The following NAV2 variants were observed in gnomAD, a reference collection of about 807,000 sequenced individuals.
The protein encoded by NAV2 is helicase, APC down-regulated 1.
NAV2 carries 54 observed loss-of-function variants against 223.2 expected under a neutral mutation model. The observed-to-expected ratio is 0.24, with a 90% CI of 0.19 to 0.30. The LOEUF (loss-of-function observed/expected upper bound fraction) is 0.30, where lower values mean the gene tolerates loss of function less well. Among genes scored for constraint, NAV2 ranks in the 10% least tolerant of loss-of-function variants. The pLI is 1.00. For missense variants in NAV2, 2,806 were observed against 3,147.5 expected (o/e 0.89, Z 2.60); for synonymous variants, 1,279 against 1,239.3 (o/e 1.03, Z -0.67).
At chr11:19,784,941 C>A (rs900880024) in intron 1 of NAV2, among the ~76,000 whole-genome samples, 2 of 151,996 alleles carry the variant, frequency 1.3e-5, no homozygotes, top group Non-Finnish European at 2.9e-5. Flanking sequence ...TATCTCTGTG[C>A]CTGGGAAGGG....
chr11:20,031,034 C>T (rs963519183), intron 11 of NAV2, among the ~76,000 whole-genome samples: 8 of 152,148 alleles, frequency 5.3e-5, no homozygotes, highest in African/African-American at 1.4e-4. Context: ...TAAGGGTAGT[C>T]GGTTTATCAT....
chr11:19,617,502 C>T (rs1283638563), intron 1 of NAV2, among the ~76,000 whole-genome samples: 1 of 152,200 alleles, frequency 6.6e-6, no homozygotes, highest in Non-Finnish European at 1.5e-5. Flanking sequence ...AGACACAGGC[C>T]TGCCTTCAAG....
At chr11:19,404,674 C>A (rs1288791171) in intron 1 of NAV2, among the ~76,000 whole-genome samples, 4 of 152,050 alleles carry the variant, frequency 2.6e-5, no homozygotes, top group African/African-American at 9.7e-5. Flanking sequence ...GTAAATGCGC[C>A]TCTGTGCCTG....
intron 1 of NAV2, among the ~76,000 whole-genome samples, chr11:19,410,928 T>C (rs2133391980): frequency 6.6e-6 from 1 of 152,296 alleles, no homozygotes; most frequent in South Asian, 2.1e-4. Flanking sequence ...TGACATCAAA[T>C]CTTTCTTTAG....
chr11:20,045,735 T>C, intron 14 of NAV2, 65 bp downstream of exon 14: 1 of 1,348,812 alleles, frequency 7.4e-7, no homozygotes, highest in East Asian at 2.4e-5. Flanking sequence ...AGTAATTTCC[T>C]GTTTCTTAGT....
chr11:19,685,394 A>G (rs983050291), intron 1 of NAV2, among the ~76,000 whole-genome samples: 2 of 152,100 alleles, frequency 1.3e-5, no homozygotes, highest in Non-Finnish European at 2.9e-5. Context: ...AGCAGCCCTT[A>G]CTAGAATCAG....
At chr11:19,414,011 C>G (rs60712281) in intron 1 of NAV2, among the ~76,000 whole-genome samples, 2 of 152,198 alleles carry the variant, frequency 1.3e-5, no homozygotes, top group Non-Finnish European at 2.9e-5. Context: ...ACTGCATCAA[C>G]TAACAGGCAA....
chr11:19,769,658 G>C (rs1811325), intron 1 of NAV2, among the ~76,000 whole-genome samples: 60,644 of 151,968 alleles, frequency 0.4, 13,884 homozygotes, highest in African/African-American at 0.64. Context: ...AAACAACCAT[G>C]TCCTGGGAGG....
intron 1 of NAV2, among the ~76,000 whole-genome samples, chr11:19,517,989 G>C (rs1416121214): frequency 6.6e-6 from 1 of 152,258 alleles, no homozygotes; most frequent in Non-Finnish European, 1.5e-5. Context: ...AAAAATACAA[G>C]AGGGCATAGC....
intron 1 of NAV2, among the ~76,000 whole-genome samples, chr11:19,359,054 G>T (rs2133770519): frequency 6.6e-6 from 1 of 152,306 alleles, no homozygotes; most frequent in South Asian, 2.1e-4. Context: ...GGAAATATTT[G>T]TTGAATGAAT....
chr11:19,893,496 C>T (rs1199121378), intron 6 of NAV2, among the ~76,000 whole-genome samples: 3 of 152,250 alleles, frequency 2.0e-5, no homozygotes, highest in Admixed American at 6.5e-5. Context: ...CTAAAGTGCC[C>T]CAGGGACATG....
intron 1 of NAV2, among the ~76,000 whole-genome samples, chr11:19,693,035 A>T (rs550664214): frequency 6.6e-6 from 1 of 152,364 alleles, no homozygotes; most frequent in African/African-American, 2.4e-5. Flanking sequence ...CTCCAAGCTC[A>T]TAGCCTCCTA....
intron 1 of NAV2, among the ~76,000 whole-genome samples, chr11:19,472,762 GCGGTAGTTGC>G (rs2042002794): frequency 6.6e-6 from 1 of 152,186 alleles, no homozygotes; most frequent in African/African-American, 2.4e-5. Context: ...ACTAAACTGA[GCGGTAGTTGC>G]CGGGAAGATG....
In NAV2 at chr11:19,738,565, C is replaced by T. The variant is rs77814856; in HGVS notation, c.267+24603C>T. 1.2e-3 allele frequency among the ~76,000 whole-genome samples: 182 copies of T among 152,294 alleles called. 1 individual carries two copies. The highest frequency in any genetic ancestry group is 1.9e-3 in the Non-Finnish European group (131 of 68,020). ...CAGTATTTACAACCAACCCAGACCC[C>T]GCCCCCAGTATCCTGACACCAGGTT... On this transcript the variant is annotated intron_variant, in intron 1 of 37. Coordinates refer to ENST00000349880, the MANE Select transcript of NAV2 (RefSeq NM_145117.5).
At chr11:19,420,297 G>T (rs1284022431) in intron 1 of NAV2, among the ~76,000 whole-genome samples, 1 of 152,184 alleles carries the variant, frequency 6.6e-6, no homozygotes, top group Admixed American at 6.5e-5. Flanking sequence ...TGTTGGCAAG[G>T]ATATGGAACA....
intron 7 of NAV2, among the ~76,000 whole-genome samples, chr11:19,934,612 C>T (rs1010319282): frequency 6.6e-6 from 1 of 152,072 alleles, no homozygotes; most frequent in Non-Finnish European, 1.5e-5. Context: ...AGGGTGGGGG[C>T]GGTTTGGTGT....
chr11:19,949,361 G>A (rs2047197873), intron 10 of NAV2, among the ~76,000 whole-genome samples: 1 of 152,156 alleles, frequency 6.6e-6, no homozygotes, highest in Non-Finnish European at 1.5e-5. Flanking sequence ...ACTGAGGATG[G>A]ACTACTTGCA....
intron 3 of NAV2, among the ~76,000 whole-genome samples, chr11:19,849,067 A>G (rs147082464): frequency 4.6e-5 from 7 of 152,332 alleles, no homozygotes; most frequent in Non-Finnish European, 8.8e-5. Context: ...TATGCACCAG[A>G]CTATGTGCTG....
At chr11:19,610,297 A>T (rs1469003099) in intron 1 of NAV2, among the ~76,000 whole-genome samples, 5 of 152,228 alleles carry the variant, frequency 3.3e-5, no homozygotes, top group Admixed American at 3.3e-4. Flanking sequence ...GAGGCTTAAA[A>T]TATATAAGTT....
Sources: gnomAD v4.1 joint callset for allele counts (sites outside exome capture counted in the v4.1 genomes callset) on GRCh38, gnomAD v4.1.1 for gene constraint, MANE v1.5 for transcripts, NCBI Gene and HGNC (gene_info 2026-07-23, HGNC 2026-07-21) for gene names.